NRXN3: variants seen among roughly 807,000 people sequenced by gnomAD.
NRXN3 encodes the protein neurexin III.
A neutral mutation model predicts 137.6 loss-of-function variants in NRXN3; 32 were observed. The ratio of observed to expected loss-of-function variants is 0.23; its 90% CI spans 0.18 to 0.31. The LOEUF (loss-of-function observed/expected upper bound fraction) is 0.31, where lower values mean the gene tolerates loss of function less well. Among genes scored for constraint, NRXN3 ranks in the 10% least tolerant of loss-of-function variants. NRXN3 has a pLI of 1.00. For missense variants in NRXN3, 1,574 were observed against 2,062.5 expected (o/e 0.76, Z 4.59); for synonymous variants, 798 against 784.5 (o/e 1.02, Z -0.29).
At chr14:79,796,776 T>C (rs1326626105) in intron 19 of NRXN3, among the ~76,000 whole-genome samples, 2 of 152,176 alleles carry the variant, frequency 1.3e-5, no homozygotes, top group Non-Finnish European at 2.9e-5. Flanking sequence ...AGAAAAAGAA[T>C]ATGCTGGCTA....
At chr14:79,387,550 C>A (rs1599562993) in intron 15 of NRXN3, among the ~76,000 whole-genome samples, 2 of 152,252 alleles carry the variant, frequency 1.3e-5, no homozygotes, top group African/African-American at 4.8e-5. Context: ...TGTGGCGATT[C>A]CTCAGGGATC....
At chr14:79,817,369 T>G (rs147048346) in intron 20 of NRXN3, among the ~76,000 whole-genome samples, 22 of 152,246 alleles carry the variant, frequency 1.4e-4, no homozygotes, top group Admixed American at 5.9e-4. Flanking sequence ...TATAGTAAAC[T>G]TTCGATGGCA....
intron 15 of NRXN3, among the ~76,000 whole-genome samples, chr14:79,196,397 C>T (rs1387027385): frequency 6.6e-6 from 1 of 152,164 alleles, no homozygotes; most frequent in African/African-American, 2.4e-5. Context: ...AAAGTTATCA[C>T]ATGGCAAGAG....
chr14:79,422,697 C>CT (rs1185262366), intron 15 of NRXN3, among the ~76,000 whole-genome samples: 9,001 of 130,106 alleles, frequency 0.069, 547 homozygotes, highest in Middle Eastern at 0.081. Flanking sequence ...GTTCCACATT[C>CT]TTTTTTTTTT....
chr14:79,147,447 C>T (rs1028381829), intron 15 of NRXN3, among the ~76,000 whole-genome samples: 3 of 151,888 alleles, frequency 2.0e-5, no homozygotes, highest in Non-Finnish European at 2.9e-5. Flanking sequence ...TGGAAGTGGG[C>T]GATCTTGGGA....
At chr14:78,984,183 A>G (rs1487889628) in intron 14 of NRXN3, among the ~76,000 whole-genome samples, 1 of 152,178 alleles carries the variant, frequency 6.6e-6, no homozygotes, top group Non-Finnish European at 1.5e-5. Context: ...ATAATAGCGT[A>G]TTTTAAATTT....
intron 15 of NRXN3, among the ~76,000 whole-genome samples, chr14:79,058,926 C>T (rs2099669909): frequency 6.6e-6 from 1 of 152,166 alleles, no homozygotes; most frequent in Admixed American, 6.6e-5. Context: ...TTGTAACTTT[C>T]CTGAGGCTTC....
At chr14:78,880,423 C>G (rs913851749) in intron 10 of NRXN3, among the ~76,000 whole-genome samples, 17 of 152,052 alleles carry the variant, frequency 1.1e-4, no homozygotes, top group Admixed American at 5.9e-4. Flanking sequence ...GTGGCTGTAA[C>G]TGGGAGAGGG....
chr14:79,162,568 C>T (rs565570717), intron 15 of NRXN3, among the ~76,000 whole-genome samples: 125 of 151,822 alleles, frequency 8.2e-4, no homozygotes, highest in African/African-American at 2.8e-3. Context: ...CAAAAGAAGA[C>T]ATTTATGCAG....
intron 8 of NRXN3, among the ~76,000 whole-genome samples, chr14:78,719,194 C>T (rs988081852): frequency 2.6e-5 from 4 of 152,144 alleles, no homozygotes; most frequent in Non-Finnish European, 4.4e-5. Context: ...ATTCATTTGG[C>T]AAGAAAGTAA....
At chr14:78,297,635 G>A (rs1333106944) in intron 3 of NRXN3, among the ~76,000 whole-genome samples, 196 bp from the exon 4 acceptor site, 1 of 152,208 alleles carries the variant, frequency 6.6e-6, no homozygotes, top group East Asian at 1.9e-4. Flanking sequence ...GAAGGCTGGG[G>A]TGTCCATGTT....
intron 16 of NRXN3, among the ~76,000 whole-genome samples, chr14:79,657,172 G>A (rs2098510497): frequency 1.3e-5 from 2 of 152,086 alleles, no homozygotes. Flanking sequence ...TGTTGCTCTT[G>A]TCTTCGTTAT....
At chr14:78,363,452 TGTTTCA>T (rs890242106) in intron 4 of NRXN3, among the ~76,000 whole-genome samples, 3 of 152,242 alleles carry the variant, frequency 2.0e-5, no homozygotes, top group Non-Finnish European at 4.4e-5. Context: ...GTATAGCTGC[TGTTTCA>T]TTAAATTATC....
chr14:79,200,269 C>T (rs1052836754), intron 15 of NRXN3, among the ~76,000 whole-genome samples: 8 of 152,118 alleles, frequency 5.3e-5, no homozygotes, highest in Admixed American at 2.6e-4. Context: ...TGGATTTGCA[C>T]GTTAGCCTCC....
chr14:78,575,053 A>C (rs2096923870), intron 4 of NRXN3, among the ~76,000 whole-genome samples: 1 of 152,102 alleles, frequency 6.6e-6, no homozygotes. Flanking sequence ...AGTTCTCATG[A>C]TATCTGATGG....
chr14:78,532,579 C>T (rs1415587017), intron 4 of NRXN3, among the ~76,000 whole-genome samples: 1 of 151,936 alleles, frequency 6.6e-6, no homozygotes, highest in Non-Finnish European at 1.5e-5. Context: ...CACACTCACC[C>T]CACCCCACTA....
At chr14:79,747,009 T>C (rs529021961) in intron 19 of NRXN3, among the ~76,000 whole-genome samples, 77 of 152,174 alleles carry the variant, frequency 5.1e-4, no homozygotes, top group African/African-American at 1.8e-3. Context: ...GTATTTTCCT[T>C]CTCTTATCCC....
intron 4 of NRXN3, among the ~76,000 whole-genome samples, chr14:78,438,399 G>A (rs766436728): frequency 2.0e-5 from 3 of 152,152 alleles, no homozygotes; most frequent in Non-Finnish European, 2.9e-5. Flanking sequence ...GGGTGAGATT[G>A]TCTTGGAGAA....
chr14:78,925,268 T>C (rs2099283847), intron 10 of NRXN3, among the ~76,000 whole-genome samples: 1 of 152,096 alleles, frequency 6.6e-6, no homozygotes, highest in South Asian at 2.1e-4. Context: ...TGAAGTAAAT[T>C]TTTATAGTGG....
Sources: allele counts gnomAD v4.1 joint callset (sites outside exome capture counted in the v4.1 genomes callset), GRCh38; gene constraint gnomAD v4.1.1; transcripts MANE v1.5; gene names NCBI Gene and HGNC (gene_info 2026-07-23, HGNC 2026-07-21).